Variants in FSTL5 observed in about 807,000 individuals in gnomAD.
FSTL5 encodes follistatin-related protein 5.
In FSTL5, 62 loss-of-function variants were observed where a neutral mutation model predicts 89.1. The ratio of observed to expected loss-of-function variants is 0.70; its 90% CI spans 0.57 to 0.86. FSTL5 has a LOEUF of 0.86. Ranked by LOEUF, FSTL5 falls within the 40% of genes least tolerant of loss-of-function variation. The pLI, the probability that FSTL5 is intolerant of heterozygous loss-of-function variation, is 0.00. For synonymous variants in FSTL5, 383 were observed against 346.2 expected (o/e 1.11, Z -1.18); for missense variants, 1,057 against 1,001.6 (o/e 1.06, Z -0.75).
At chr4:162,111,691 T>A (rs112859321) in intron 1 of FSTL5, among the ~76,000 whole-genome samples, 2 of 151,990 alleles carry the variant, frequency 1.3e-5, no homozygotes, top group African/African-American at 4.8e-5. Flanking sequence ...TAAAAAAAGG[T>A]TGAAAGAAAA....
At chr4:161,546,354 T>C (rs1285298045) in intron 8 of FSTL5, among the ~76,000 whole-genome samples, 5 of 148,866 alleles carry the variant, frequency 3.4e-5, no homozygotes, top group African/African-American at 1.2e-4. Flanking sequence ...AGGTAACCAT[T>C]GTGATATTCT....
chr4:161,546,153 G>A (rs372228364), intron 8 of FSTL5, among the ~76,000 whole-genome samples: 45 of 151,044 alleles, frequency 3.0e-4, no homozygotes, highest in Admixed American at 9.3e-4. Flanking sequence ...GAAGAAAGGC[G>A]ATAATAGAAA....
At chr4:161,772,447 C>T (rs1426798107) in intron 5 of FSTL5, among the ~76,000 whole-genome samples, 2 of 151,972 alleles carry the variant, frequency 1.3e-5, no homozygotes, top group Non-Finnish European at 2.9e-5. Flanking sequence ...ACCTACAAAA[C>T]TCTTAACGAC....
chr4:161,764,815 A>T (rs1740935527), intron 5 of FSTL5, among the ~76,000 whole-genome samples: 1 of 152,152 alleles, frequency 6.6e-6, no homozygotes, highest in African/African-American at 2.4e-5. Flanking sequence ...TGACCATCTA[A>T]AGTAAAGATA....
chr4:161,446,648 T>C (rs1478209638), intron 15 of FSTL5, among the ~76,000 whole-genome samples: 1 of 152,096 alleles, frequency 6.6e-6, no homozygotes, highest in Non-Finnish European at 1.5e-5. Context: ...TATATATGAT[T>C]GATTCAAAAT....
At chr4:161,712,477 T>C (rs1442624394) in intron 6 of FSTL5, among the ~76,000 whole-genome samples, 1 of 152,122 alleles carries the variant, frequency 6.6e-6, no homozygotes, top group African/African-American at 2.4e-5. Flanking sequence ...GAAGGTCTTA[T>C]CTACAGAAAT....
intron 7 of FSTL5, among the ~76,000 whole-genome samples, chr4:161,617,026 T>C (rs1734898211): frequency 6.6e-6 from 1 of 151,612 alleles, no homozygotes; most frequent in Non-Finnish European, 1.5e-5. Flanking sequence ...CTTTTGATGA[T>C]TTAGCTATTG....
chr4:161,489,753 G>C (rs560530330), intron 12 of FSTL5, among the ~76,000 whole-genome samples: 11 of 152,196 alleles, frequency 7.2e-5, no homozygotes, highest in Non-Finnish European at 1.3e-4. Flanking sequence ...TCTTATCATT[G>C]AAAAATCAAT....
At chr4:161,972,814 T>C (rs1735523397) in intron 3 of FSTL5, among the ~76,000 whole-genome samples, 1 of 152,170 alleles carries the variant, frequency 6.6e-6, no homozygotes, top group South Asian at 2.1e-4. Flanking sequence ...TTACCAGAAA[T>C]AGAAAATAGG....
chr4:161,543,563 T>C (rs1017935870), intron 8 of FSTL5, among the ~76,000 whole-genome samples: 1 of 152,008 alleles, frequency 6.6e-6, no homozygotes, highest in Non-Finnish European at 1.5e-5. Context: ...GGCTCATACT[T>C]GCTGATTTCA....
At chr4:161,557,915 TA>T (rs1305048703) in intron 8 of FSTL5, among the ~76,000 whole-genome samples, 1 of 151,780 alleles carries the variant, frequency 6.6e-6, no homozygotes, top group Non-Finnish European at 1.5e-5. Context: ...AACTGAACCT[TA>T]AGGTTCAGTC....
chr4:161,429,969 G>A (rs1732297554), intron 15 of FSTL5, among the ~76,000 whole-genome samples: 1 of 152,088 alleles, frequency 6.6e-6, no homozygotes, highest in South Asian at 2.1e-4. Flanking sequence ...GCTGTTTTGA[G>A]GAAACTGAGT....
In FSTL5 at chr4:161,777,366, T is replaced by C. The variant is rs115793331; in HGVS notation, c.410-1292A>G. 8.0e-3 allele frequency among the ~76,000 whole-genome samples: 1,220 copies of C among 152,108 alleles called. 16 individuals are homozygous for C. Among genetic ancestry groups the C allele is most frequent in the African/African-American group, 0.027 (1,107 of 41,522 alleles). ...GCTGTGATAAACATAAGAGTGCAGA[T>C]ATCTCTTTGATATTCTAATTTCCTG... is the stretch of plus-strand genomic sequence containing the variant. On this transcript the variant is annotated intron_variant, in intron 4 of 15. Coordinates refer to ENST00000306100, the MANE Select transcript of FSTL5 (RefSeq NM_020116.5).
chr4:161,623,102 C>G (rs188704243), intron 7 of FSTL5, among the ~76,000 whole-genome samples: 583 of 152,174 alleles, frequency 3.8e-3, no homozygotes, highest in African/African-American at 0.013. Flanking sequence ...TTCTAGCACA[C>G]TCGGAATAAA....
At chr4:161,441,325 TA>T (rs766077602) in intron 15 of FSTL5, among the ~76,000 whole-genome samples, 2 of 150,044 alleles carry the variant, frequency 1.3e-5, no homozygotes, top group African/African-American at 2.5e-5. Context: ...TTGAGCTTTA[TA>T]AATTACTTAA....
chr4:161,661,641 C>T (rs1037988742), intron 6 of FSTL5, among the ~76,000 whole-genome samples: 6 of 152,030 alleles, frequency 3.9e-5, no homozygotes, highest in Non-Finnish European at 8.8e-5. Flanking sequence ...AATGGTAATG[C>T]TTACATAATT....
At position 161,809,622 on chromosome 4, in the gene FSTL5, T is replaced by C. The variant is rs192586049; in HGVS notation, c.410-33548A>G. ...GTCAATGGATAAACAAAATGTGGTA[T>C]ATGCATACAATGGTATATTATTCAG... On this transcript the variant is annotated intron_variant, in intron 4 of 15. Transcript: ENST00000306100. 2.6e-3 allele frequency among the ~76,000 whole-genome samples: 400 copies of C among 152,340 alleles called. 1 individual carries two copies. Among genetic ancestry groups the C allele is most frequent in the African/African-American group, 9.1e-3 (379 of 41,584 alleles).
chr4:162,089,452 T>C (rs1359835608), intron 2 of FSTL5, among the ~76,000 whole-genome samples: 1 of 151,518 alleles, frequency 6.6e-6, no homozygotes, highest in Non-Finnish European at 1.5e-5. Context: ...CTGGCCAACA[T>C]GGTGAAATCC....
At chr4:162,036,546 T>G (rs1000763118) in intron 2 of FSTL5, among the ~76,000 whole-genome samples, 1 of 152,056 alleles carries the variant, frequency 6.6e-6, no homozygotes, top group East Asian at 1.9e-4. Flanking sequence ...GCATAAATTA[T>G]CACTCTATAA....
Sources: gnomAD v4.1 joint callset for allele counts (sites outside exome capture counted in the v4.1 genomes callset) on GRCh38, gnomAD v4.1.1 for gene constraint, MANE v1.5 for transcripts, NCBI Gene and HGNC (gene_info 2026-07-23, HGNC 2026-07-21) for gene names.